Variants in SIAE observed in about 807,000 individuals in gnomAD.
SIAE encodes the protein sialate O-acetylesterase.
SIAE carries 39 observed loss-of-function variants against 52.6 expected under a neutral mutation model. That is an observed-to-expected ratio of 0.74 (90% CI 0.57 to 0.97). SIAE has a LOEUF of 0.97. SIAE is among the 50% of genes least tolerant of loss of function. The pLI is 0.00. For synonymous variants in SIAE, 233 were observed against 241.4 expected, an observed-to-expected ratio of 0.97 and a Z score of 0.32; for missense variants, 592 against 662.1, an observed-to-expected ratio of 0.89 and a Z score of 1.16.
At chr11:124,674,926 G>T (rs1302389042), upstream of SIAE, 1 of 167,782 alleles carries the variant, frequency 6.0e-6, no homozygotes, top group Non-Finnish European at 1.3e-5. Flanking sequence ...AAATTCCTGT[G>T]TGATAGCAAA....
At chr11:124,658,720 G>C (rs1420468337) in intron 3 of SIAE, among the ~76,000 whole-genome samples, 1 of 152,102 alleles carries the variant, frequency 6.6e-6, no homozygotes. Flanking sequence ...TGTGAAGAGT[G>C]GTAGGTTATA....
Position 124,645,577 on chromosome 11 carries a change from A to C in SIAE, c.966+1788T>G, listed in dbSNP as rs764026227. Among the ~76,000 whole-genome samples the C allele has an allele frequency of 5.5e-4, 84 of 152,304 alleles. No homozygotes were observed. In the Middle Eastern group the frequency reaches 0.014, roughly 25 times the overall value. Reference sequence around the variant, plus strand: ...CGGCCTCCCAGAGTGCTGGGATTACAAGCGTGAGCCACCAAGCCCGGCCTG... The same window carrying C: ...CGGCCTCCCAGAGTGCTGGGATTACCAGCGTGAGCCACCAAGCCCGGCCTG... On this transcript the variant is annotated intron_variant, in intron 7 of 9. Coordinates refer to ENST00000263593, the MANE Select transcript of SIAE (RefSeq NM_170601.5). This position sits in a 1 kb window ranked among gnomAD's most constrained non-coding sequence, Gnocchi z 4.7.
chr11:124,638,931 G>A (rs1294974129), intron 8 of SIAE, among the ~76,000 whole-genome samples, 194 bp from the exon 9 acceptor site: 3 of 152,160 alleles, frequency 2.0e-5, no homozygotes, highest in African/African-American at 7.2e-5. Context: ...CCTTCTATGG[G>A]TTGGAAACCT....
chr11:124,667,376 C>T (rs1431170066), intron 2 of SIAE, among the ~76,000 whole-genome samples: 2 of 152,094 alleles, frequency 1.3e-5, no homozygotes, highest in African/African-American at 4.8e-5. Flanking sequence ...TTAGTTTACC[C>T]AACAACATTC....
chr11:124,639,765 T>C lies in SIAE; in HGVS notation c.1069A>G (p.Asn357Asp). The C allele has an allele frequency of 6.2e-7, 1 of 1,614,198 alleles. No homozygotes were observed. Among genetic ancestry groups the C allele is most frequent in the Non-Finnish European group, 8.5e-7 (1 of 1,180,038 alleles). ...FGYVPNPKMP[N>D]TFMAVAMDLC... ...TCCATAGCTACAGCCATGAAAGTATTGGGCATCTTTGGGTTGGGGACATAG... is the reference window on the plus strand; with the variant it reads ...TCCATAGCTACAGCCATGAAAGTATCGGGCATCTTTGGGTTGGGGACATAG... The change falls in exon 8 of 10, where the codon AAT (asparagine) becomes GAT (aspartate). Residue 357 changes from asparagine to aspartate, a missense_variant. Transcript: ENST00000263593.
At chr11:124,656,894 C>T (rs148980620) in intron 3 of SIAE, among the ~76,000 whole-genome samples, 2,030 of 152,242 alleles carry the variant, frequency 0.013, 25 homozygotes, top group Non-Finnish European at 0.02. Context: ...TTCCATTGGC[C>T]GCTGGTCACA....
rs906403461 is a variant in SIAE, at chr11:124,647,464, G to T, written c.867C>A (p.Tyr289Ter). Reference protein sequence around the residue: ...ESNINYNTDLYNCTFPALIED... With the variant: ...ESNINYNTDL ...CGATGAGTGCAGGGAATGTGCAATT[G>T]TACAGATCCGTGTTATAATTTATAT... Residue 289 changes from tyrosine to a stop codon, truncating the protein, a stop_gained, in exon 7 of 10, where the codon TAC (tyrosine) becomes TAA (stop). Coordinates refer to ENST00000263593, the MANE Select transcript of SIAE (RefSeq NM_170601.5). LOFTEE classifies it high-confidence loss of function. The T allele has an allele frequency of 1.6e-5, 26 of 1,614,054 alleles. No homozygotes were observed. Among genetic ancestry groups the T allele is most frequent in the Non-Finnish European group, 2.0e-5 (24 of 1,180,038 alleles).
Position 124,647,449 on chromosome 11 carries a change from A to G in SIAE, c.882T>C (p.Pro294=). The G allele has an allele frequency of 6.2e-7, 1 of 1,614,232 alleles. No individual in the cohort carries two copies. The highest frequency in any genetic ancestry group is 1.1e-5 in the South Asian group (1 of 91,086). Residue 294 remains proline, a synonymous_variant, in exon 7 of 10, where the codon CCT becomes CCC. Transcript: ENST00000263593. The part of the protein sequence containing the change: ...YNTDLYNCTF[P]ALIEDWRETF... Reference sequence around the variant, plus strand: ...TTTCACGCCAGTCTTCGATGAGTGCAGGGAATGTGCAATTGTACAGATCCG... The same window carrying G: ...TTTCACGCCAGTCTTCGATGAGTGCGGGGAATGTGCAATTGTACAGATCCG...
In SIAE at chr11:124,660,611, G is replaced by A; in HGVS notation, c.405+17C>T. On this transcript the variant is annotated intron_variant, in intron 3 of 9. Coordinates refer to ENST00000263593, the MANE Select transcript of SIAE (RefSeq NM_170601.5). ...ATCACCAACACTGTGTATTATTGCTGAGACTCTGCAAATTACCTGTAACAC... is the reference window on the plus strand; with the variant it reads ...ATCACCAACACTGTGTATTATTGCTAAGACTCTGCAAATTACCTGTAACAC... The A allele has an allele frequency of 6.2e-7, 1 of 1,613,504 alleles. No homozygotes were observed. Among genetic ancestry groups the A allele is most frequent in the South Asian group, 1.1e-5 (1 of 91,018 alleles).
chr11:124,668,875 T>C (rs1943308883), intron 2 of SIAE, among the ~76,000 whole-genome samples: 1 of 152,208 alleles, frequency 6.6e-6, no homozygotes, highest in African/African-American at 2.4e-5. Context: ...ATTTACATGG[T>C]GCTAGTCTTG....
chr11:124,660,121 C>G (rs1479068117), intron 3 of SIAE: 1 of 187,186 alleles, frequency 5.3e-6, no homozygotes, highest in African/African-American at 2.4e-5. Context: ...GAAACCCCGT[C>G]TGTACTAAAA....
intron 2 of SIAE, among the ~76,000 whole-genome samples, chr11:124,668,135 C>G (rs1458608148): frequency 6.6e-6 from 1 of 152,174 alleles, no homozygotes; most frequent in Non-Finnish European, 1.5e-5. Flanking sequence ...TGTCATCTGC[C>G]CAGTCACACA....
At chr11:124,646,135 A>G (rs992701117) in intron 7 of SIAE, among the ~76,000 whole-genome samples, 21 of 152,258 alleles carry the variant, frequency 1.4e-4, no homozygotes, top group Non-Finnish European at 2.9e-5. Context: ...TGTAGTTCAT[A>G]TGAACATGTG....
chr11:124,636,903 A>G lies in SIAE; in HGVS notation c.*48T>C, dbSNP rs755717126. The G allele has an allele frequency of 3.1e-6, 5 of 1,613,194 alleles. No homozygotes were observed. Among genetic ancestry groups the G allele is most frequent in the Non-Finnish European group, 4.2e-6 (5 of 1,179,742 alleles). On this transcript the variant is annotated 3_prime_UTR_variant, in exon 10 of 10. Coordinates refer to ENST00000263593, the MANE Select transcript of SIAE (RefSeq NM_170601.5). The stretch of plus-strand genomic sequence containing the variant: ...ATTATTGAAACTCCTAAATGCTAAA[A>G]TCTGAAGGACCCATCCTTATATCTA...
intron 3 of SIAE, among the ~76,000 whole-genome samples, chr11:124,656,381 G>C (rs1223083257): frequency 6.6e-6 from 1 of 152,218 alleles, no homozygotes; most frequent in Non-Finnish European, 1.5e-5. Flanking sequence ...AGAAAAGCAA[G>C]AGAGGCATGG....
chr11:124,660,211 A>G (rs1943165515), intron 3 of SIAE: 1 of 253,116 alleles, frequency 4.0e-6, no homozygotes, highest in Non-Finnish European at 7.7e-6. Flanking sequence ...AATCGCTTGA[A>G]CCCGGGAGGT....
upstream of SIAE, chr11:124,673,925 C>T (rs1027956230): frequency 1.7e-6 from 1 of 589,608 alleles, no homozygotes; most frequent in Non-Finnish European, 3.0e-6. Context: ...CAACCGGAAC[C>T]GGCGGCACCA....
intron 9 of SIAE, 72 bp downstream of exon 9, chr11:124,638,470 T>C: frequency 2.7e-6 from 4 of 1,508,214 alleles, no homozygotes; most frequent in South Asian, 2.3e-5. Context: ...ACAAAAGAGA[T>C]GGCCTCAAGT....
At chr11:124,668,752 T>C (rs1191959252) in intron 2 of SIAE, among the ~76,000 whole-genome samples, 1 of 152,214 alleles carries the variant, frequency 6.6e-6, no homozygotes, top group African/African-American at 2.4e-5. Flanking sequence ...AGCCTTAGAC[T>C]ACCAATATGA....
Sources: allele counts gnomAD v4.1 joint callset (sites outside exome capture counted in the v4.1 genomes callset), GRCh38; gene constraint gnomAD v4.1.1; non-coding constraint Gnocchi (gnomAD v3.1); transcripts MANE v1.5; gene names NCBI Gene and HGNC (gene_info 2026-07-23, HGNC 2026-07-21).